Variants in PKN3 observed in about 807,000 individuals in gnomAD.
The protein encoded by PKN3 is protein kinase N3.
Under a neutral mutation model 113.1 loss-of-function variants are expected in PKN3, and 91 were observed. The observed-to-expected ratio is 0.80, with a 90% CI of 0.68 to 0.96. The LOEUF (loss-of-function observed/expected upper bound fraction) is 0.96, where lower values mean the gene tolerates loss of function less well. Ranked by LOEUF, PKN3 falls within the 40% of genes least tolerant of loss-of-function variation. PKN3 has a pLI of 0.00. For missense variants in PKN3, 1,052 were observed against 1,202.2 expected (o/e 0.88, Z 1.85); for synonymous variants, 467 against 499.0 (o/e 0.94, Z 0.85).
intron 1 of PKN3, 81 bp downstream of exon 1, chr9:128,703,020 C>T (rs1861900016): frequency 1.7e-5 from 17 of 984,518 alleles, no homozygotes; most frequent in South Asian, 9.7e-5. Context: ...GAACCGCGGC[C>T]GCTTCCCCCG....
chr9:128,702,861 G>A lies in PKN3; in HGVS notation c.-55G>A. 7.5e-7 allele frequency: 1 copy of A among 1,330,058 alleles called. No individual in the cohort carries two copies. The highest frequency in any genetic ancestry group is 1.3e-5 in the South Asian group (1 of 76,988). 82.4% of individuals were successfully genotyped at this position (1,330,058 alleles called of 1,614,324 possible). A position where few individuals can be genotyped will look rare whatever the true frequency, so the allele number is the denominator to read the frequency against. ...TTGAAAGTCCTGGCGGAGGGTCTGCGGCTTCCGGGACCGGAGTGGCTGAGA... is the reference window on the plus strand; with the variant it reads ...TTGAAAGTCCTGGCGGAGGGTCTGCAGCTTCCGGGACCGGAGTGGCTGAGA... On this transcript the variant is annotated 5_prime_UTR_variant, in exon 1 of 22. Coordinates refer to ENST00000291906, the MANE Select transcript of PKN3 (RefSeq NM_013355.5).
intron 16 of PKN3, among the ~76,000 whole-genome samples, chr9:128,718,078 C>A (rs1385370664): frequency 6.6e-6 from 1 of 151,698 alleles, no homozygotes; most frequent in Non-Finnish European, 1.5e-5. Context: ...CTGCAGGGAC[C>A]AACACTTGGT....
Position 128,715,049 on chromosome 9 carries a change from A to G in PKN3, c.1653-123A>G. On this transcript the variant is annotated intron_variant, in intron 13 of 21. Transcript: ENST00000291906. This position sits in a 1 kb window ranked among gnomAD's most constrained non-coding sequence, Gnocchi z 4.1. ...GCCGGCTTCTAGGAGTCCTTACTGC[A>G]GGGCTTTTTCGAGCCCATAGGTCGG... is the stretch of plus-strand genomic sequence containing the variant. 1 of 1,148,396 alleles carries G rather than the reference A, an allele frequency of 8.7e-7. No individual in the cohort carries two copies. Among genetic ancestry groups the G allele is most frequent in the African/African-American group, 1.5e-5 (1 of 65,558 alleles). The allele number at this position is 1,148,396 out of a possible 1,614,324, so 71.1% of individuals were successfully genotyped here.
chr9:128,716,723 T>A, intron 15 of PKN3, 24 bp from the exon 16 acceptor site: 2 of 1,607,522 alleles, frequency 1.2e-6, no homozygotes, highest in Non-Finnish European at 1.7e-6. Flanking sequence ...TCCTTCCCTC[T>A]AATACTCTTG....
chr9:128,702,953 GA>G lies in PKN3; in HGVS notation c.24+15del. The G allele has an allele frequency of 7.0e-7, 1 of 1,430,526 alleles. No homozygotes were observed. Among genetic ancestry groups the G allele is most frequent in the East Asian group, 3.0e-5 (1 of 33,084 alleles). 88.6% of individuals were successfully genotyped at this position (1,430,526 alleles called of 1,614,324 possible). A position where few individuals can be genotyped will look rare whatever the true frequency, so the allele number is the denominator to read the frequency against. Reference sequence around the variant, plus strand: ...GCGCCGCGGCAGGTGAACGGCGTGGGAGGGGCGCGCGGGCCCGGGGGGTGCG... The same window carrying G: ...GCGCCGCGGCAGGTGAACGGCGTGGGGGGGCGCGCGGGCCCGGGGGGTGCG... On this transcript the variant is annotated intron_variant, in intron 1 of 21. Coordinates refer to ENST00000291906, the MANE Select transcript of PKN3 (RefSeq NM_013355.5).
chr9:128,703,024 T>C, intron 1 of PKN3, 85 bp downstream of exon 1: 1 of 930,450 alleles, frequency 1.1e-6, no homozygotes, highest in African/African-American at 1.8e-5. Flanking sequence ...CGCGGCCGCT[T>C]CCCCCGATCC....
At position 128,713,656 on chromosome 9, in the gene PKN3, C is replaced by T; in HGVS notation, c.1236+14C>T. The T allele has an allele frequency of 6.2e-7, 1 of 1,613,042 alleles. No individual in the cohort carries two copies. Among genetic ancestry groups the T allele is most frequent in the African/African-American group, 1.3e-5 (1 of 75,060 alleles). ...CTTTTTGCCCAGGTGCTCACCACCT[C>T]CGCCCTCTGACTTGGTGGGACCCTG... On this transcript the variant is annotated intron_variant, in intron 9 of 21. Coordinates refer to ENST00000291906, the MANE Select transcript of PKN3 (RefSeq NM_013355.5).
At position 128,720,503 on chromosome 9, in the gene PKN3, C is replaced by T. The variant is rs201035165; in HGVS notation, c.2567C>T (p.Pro856Leu). The T allele has an allele frequency of 2.1e-4, 345 of 1,613,250 alleles. No homozygotes were observed. The highest frequency in any genetic ancestry group is 2.7e-4 in the Non-Finnish European group (313 of 1,180,008). The change falls in exon 22 of 22, where the codon CCG (proline) becomes CTG (leucine). Residue 856 changes from proline to leucine, a missense_variant. By Grantham distance (98) the Pro-to-Leu change is moderately conservative. Transcript: ENST00000291906. This position sits in a 1 kb window ranked among gnomAD's most constrained non-coding sequence, Gnocchi z 5.5. ...RYFEGEFTGL[P>L]PALTPPAPHS... Reference sequence around the variant, plus strand: ...TTTGAGGGCGAGTTCACAGGGCTGCCGCCTGCCCTGACCCCACCTGCACCC... The same window carrying T: ...TTTGAGGGCGAGTTCACAGGGCTGCTGCCTGCCCTGACCCCACCTGCACCC...
chr9:128,720,153 G>T lies in PKN3; in HGVS notation c.2377-50G>T. The stretch of plus-strand genomic sequence containing the variant: ...GCGTGCTTGGGGCCTGTGGATGATG[G>T]CAGTGCCTGGGGCTGAATGCCCTAA... On this transcript the variant is annotated intron_variant, in intron 20 of 21. Transcript: ENST00000291906. The surrounding 1 kb of genome is among the most constrained non-coding windows in gnomAD (Gnocchi z 5.5). 6.3e-7 allele frequency: 1 copy of T among 1,580,370 alleles called. No homozygotes were observed. The highest frequency in any genetic ancestry group is 8.7e-7 in the Non-Finnish European group (1 of 1,152,632).
chr9:128,705,901 G>A, intron 3 of PKN3, 22 bp downstream of exon 3: 1 of 1,561,010 alleles, frequency 6.4e-7, no homozygotes, highest in South Asian at 1.2e-5. Context: ...CAGTCTGATG[G>A]CAGGAGCACC....
chr9:128,714,080 C>A lies in PKN3; in HGVS notation c.1271C>A (p.Pro424His), dbSNP rs145344292. 8 of 1,613,972 alleles carry A rather than the reference C, an allele frequency of 5.0e-6. No individual in the cohort carries two copies. In the African/African-American group the frequency reaches 1.1e-4, roughly 22 times the overall value. The part of the protein sequence containing the change: ...TFCDPVIERR[P>H]RLQRQERIFS... ...TGCGATCCTGTCATTGAGAGGCGGC[C>A]CCGGCTGCAGAGGCAGGAACGCATC... is the stretch of plus-strand genomic sequence containing the variant. The change falls in exon 10 of 22, where the codon CCC becomes CAC. Residue 424 changes from proline to histidine, a missense_variant. Physicochemically the swap from Pro to His is moderately conservative, Grantham distance 77. Coordinates refer to ENST00000291906, the MANE Select transcript of PKN3 (RefSeq NM_013355.5).
At chr9:128,718,688 G>T in intron 18 of PKN3, 63 bp downstream of exon 18, 1 of 1,439,270 alleles carries the variant, frequency 6.9e-7, no homozygotes, top group African/African-American at 1.4e-5. Context: ...CCAATAGGAT[G>T]ATGGGCACAT....
chr9:128,703,479 G>A lies in PKN3; in HGVS notation c.24+540G>A, dbSNP rs1198169823. The A allele has an allele frequency of 5.1e-5, 50 of 985,430 alleles. No homozygotes were observed. In the Middle Eastern group the frequency reaches 2.1e-3, roughly 41 times the overall value. The allele number at this position is 985,430 out of a possible 1,614,324, so 61.0% of individuals were successfully genotyped here. A position where few individuals can be genotyped will look rare whatever the true frequency, so the allele number is the denominator to read the frequency against. ...GGGCGGGAACCTTTGGGTACATAGC[G>A]GGTTCTAGAATGCGGAGGGGGCTGG... On this transcript the variant is annotated intron_variant, in intron 1 of 21. Coordinates refer to ENST00000291906, the MANE Select transcript of PKN3 (RefSeq NM_013355.5).
Position 128,707,263 on chromosome 9 carries a change from C to T in PKN3, c.693C>T (p.Leu231=). 6.2e-7 allele frequency: 1 copy of T among 1,612,594 alleles called. No individual in the cohort carries two copies. ...AGGAGTCCTCTCAGAAACTGGACCTCCTGCGCCTGGCCTTGGAGCAGCTGC... is the reference window on the plus strand; with the variant it reads ...AGGAGTCCTCTCAGAAACTGGACCTTCTGCGCCTGGCCTTGGAGCAGCTGC... ...QLQESSQKLD[L]LRLALEQLLE... is the part of the protein sequence containing the mutation. The change falls in exon 6 of 22, where the codon CTC becomes CTT. Residue 231 remains leucine, a synonymous_variant. Transcript: ENST00000291906.
At chr9:128,703,800 C>T (rs1281620837) in intron 1 of PKN3, 10 of 985,268 alleles carry the variant, frequency 1.0e-5, no homozygotes, top group Non-Finnish European at 1.2e-5. Flanking sequence ...TCGGTCTGCC[C>T]CCTCCCACCC....
rs55948654 is a variant in PKN3, at chr9:128,713,333, G to C, written c.1038G>C (p.Trp346Cys). 3 of 1,614,138 alleles carry C rather than the reference G, an allele frequency of 1.9e-6. No homozygotes were observed. Among genetic ancestry groups the C allele is most frequent in the South Asian group, 1.1e-5 (1 of 91,068 alleles). ...ACCGTGTTGTGGGGCAGACGGGCTG[G>C]GGGCAGGTGGCCGAACAGTCCTGGG... ...VDNRVVGQTGWGQVAEQSWDQ... is the reference protein window; with the variant it reads ...VDNRVVGQTGCGQVAEQSWDQ... Residue 346 changes from tryptophan (W) to cysteine (C), a missense_variant, in exon 8 of 22, where the codon TGG becomes TGC. Trp to Cys is a radical substitution (Grantham distance 215). Around this residue, in one of 2 missense-constraint regions of PKN3, gnomAD observed 719 missense variants for 759.4 expected, o/e 0.95. Coordinates refer to ENST00000291906, the MANE Select transcript of PKN3 (RefSeq NM_013355.5).
rs1332864738 is a variant in PKN3 at position 128,703,720 on chromosome 9, G to T, written c.24+781G>T. 1.5e-5 allele frequency: 15 copies of T among 985,326 alleles called. 1 individual carries two copies. Among genetic ancestry groups the T allele is most frequent in the African/African-American group, 1.7e-5 (1 of 57,248 alleles). The allele number at this position is 985,326 out of a possible 1,614,324, so 61.0% of individuals were successfully genotyped here. A position where few individuals can be genotyped will look rare whatever the true frequency, so the allele number is the denominator to read the frequency against. On this transcript the variant is annotated intron_variant, in intron 1 of 21. Transcript: ENST00000291906. Reference sequence around the variant, plus strand: ...ACCCAGGGCAGACGGGACCATGGGGGTGTTGCGGGGTGCGTGTAGACTCCT... The same window carrying T: ...ACCCAGGGCAGACGGGACCATGGGGTTGTTGCGGGGTGCGTGTAGACTCCT...
At chr9:128,713,957 G>A (rs72758842) in intron 9 of PKN3, 89 bp from the exon 10 acceptor site, 107,481 of 1,336,952 alleles carry the variant, frequency 0.08, 5,345 homozygotes, top group Non-Finnish European at 0.097. Context: ...GACCCTGGGG[G>A]CTTGGGCTGT....
intron 3 of PKN3, 137 bp from the exon 4 acceptor site, chr9:128,706,576 G>A (rs1862024525): frequency 4.6e-6 from 3 of 652,464 alleles, no homozygotes; most frequent in South Asian, 4.5e-5. Context: ...CAACAAGGGA[G>A]GCTTGACTTT....
Sources: allele counts gnomAD v4.1 joint callset (sites outside exome capture counted in the v4.1 genomes callset), GRCh38; gene constraint gnomAD v4.1.1; regional missense constraint gnomAD v4.1.1; non-coding constraint Gnocchi (gnomAD v3.1); transcripts MANE v1.5; gene names NCBI Gene and HGNC (gene_info 2026-07-23, HGNC 2026-07-21).